The following SLC30A4 variants were observed in gnomAD, a reference collection of about 807,000 sequenced individuals.
SLC30A4 encodes the protein probable proton-coupled zinc antiporter SLC30A4.
Under a neutral mutation model 41.7 loss-of-function variants are expected in SLC30A4, and 20 were observed. The observed-to-expected ratio is 0.48, with a 90% confidence interval of 0.34 to 0.70. SLC30A4 has a LOEUF of 0.70. SLC30A4 is among the 30% of genes least tolerant of loss of function. The probability of loss-of-function intolerance (pLI) is 0.01; values close to 1 mark genes in which losing one functional copy is unlikely to be tolerated. For missense variants in SLC30A4, 441 were observed against 529.3 expected (o/e 0.83, Z 1.64); for synonymous variants, 181 against 195.9 (o/e 0.92, Z 0.64).
At chr15:45,518,868 A>T (rs977444798) in intron 2 of SLC30A4, among the ~76,000 whole-genome samples, 1 of 151,992 alleles carries the variant, frequency 6.6e-6, no homozygotes, top group Non-Finnish European at 1.5e-5. Flanking sequence ...AAATTGCTTC[A>T]TTTTTTATTA....
Position 45,490,787 on chromosome 15 carries a change from A to G in SLC30A4, c.633T>C (p.Tyr211=), listed in dbSNP as rs1354370386. The change falls in exon 4 of 8, where the codon TAT becomes TAC. Residue 211 remains tyrosine, a synonymous_variant. Coordinates refer to ENST00000261867, the MANE Select transcript of SLC30A4 (RefSeq NM_013309.6). ...TGAGCATTATATCTCCATTTATTTC[A>G]TAGTTCATATGGATAGTTCTTTGCA... ...EAVQRTIHMN[Y]EINGDIMLIT... is the part of the protein sequence containing the mutation. 1.2e-6 allele frequency: 2 copies of G among 1,611,920 alleles called. No homozygotes were observed. The highest frequency in any genetic ancestry group is 1.7e-6 in the Non-Finnish European group (2 of 1,178,538).
rs1466127676 is a variant in SLC30A4, at chr15:45,481,631, T to C, written c.*3532A>G. 2 of 152,188 alleles carry C rather than the reference T, an allele frequency of 1.3e-5. No homozygotes were observed. 9.4% of individuals were successfully genotyped at this position (152,188 alleles called of 1,614,324 possible). ...GTTCATCCAACTCAGCCACTGCTTT[T>C]CACAGGGCATAGAGCTCTTTGAGAG... On this transcript the variant is annotated 3_prime_UTR_variant, in exon 8 of 8. Coordinates refer to ENST00000261867, the MANE Select transcript of SLC30A4 (RefSeq NM_013309.6).
In SLC30A4 at chr15:45,484,514, A is replaced by C. The variant is rs1451163356; in HGVS notation, c.*649T>G. On this transcript the variant is annotated 3_prime_UTR_variant, in exon 8 of 8. Coordinates refer to ENST00000261867, the MANE Select transcript of SLC30A4 (RefSeq NM_013309.6). The stretch of plus-strand genomic sequence containing the variant: ...AATAAAGATTTGGTTCTAAGATTAC[A>C]AATAATGAAAAATGTTAACTTTGAG... The C allele has an allele frequency of 6.6e-6, 1 of 152,246 alleles. No homozygotes were observed. The highest frequency in any genetic ancestry group is 2.4e-5 in the African/African-American group (1 of 41,476). 9.4% of individuals were successfully genotyped at this position (152,246 alleles called of 1,614,324 possible). A position where few individuals can be genotyped will look rare whatever the true frequency, so the allele number is the denominator to read the frequency against.
intron 7 of SLC30A4, among the ~76,000 whole-genome samples, 178 bp from the exon 8 acceptor site, chr15:45,485,495 T>C (rs1891681249): frequency 6.6e-6 from 1 of 152,218 alleles, no homozygotes; most frequent in African/African-American, 2.4e-5. Context: ...TGGCTTCTCA[T>C]TATTCTAACC....
At chr15:45,498,870 C>T (rs145109135) in intron 3 of SLC30A4, among the ~76,000 whole-genome samples, 129 of 152,118 alleles carry the variant, frequency 8.5e-4, no homozygotes, top group African/African-American at 2.6e-3. Flanking sequence ...TGTGTGTTTG[C>T]GGGAAGACTT....
In SLC30A4 at chr15:45,488,914, G is replaced by A; in HGVS notation, c.821C>T (p.Ala274Val). Residue 274 changes from alanine to valine, a missense_variant, in exon 5 of 8, where the codon GCA becomes GTA. Coordinates refer to ENST00000261867, the MANE Select transcript of SLC30A4 (RefSeq NM_013309.6). ...HGQDSLAVRA[A>V]FVHALGDLVQ... ...CAAATCTCCCAAAGCATGTACAAAT[G>A]CAGCTCTCACTGCCAGGCTATCCTG... 6.2e-7 allele frequency: 1 copy of A among 1,614,108 alleles called. No homozygotes were observed. The highest frequency in any genetic ancestry group is 8.5e-7 in the Non-Finnish European group (1 of 1,179,992).
At chr15:45,519,453 C>T (rs1892599161) in intron 2 of SLC30A4, 1 of 152,080 alleles carries the variant, frequency 6.6e-6, no homozygotes, top group Non-Finnish European at 1.5e-5. Context: ...GGCCAGTCTG[C>T]TTTCCTCCTA....
intron 2 of SLC30A4, among the ~76,000 whole-genome samples, chr15:45,516,892 G>A (rs1487118395): frequency 6.6e-6 from 1 of 152,020 alleles, no homozygotes; most frequent in African/African-American, 2.4e-5. Context: ...ACTCCAGCCT[G>A]GGTGACAGAG....
Position 45,522,676 on chromosome 15 carries a change from T to C in SLC30A4, c.-184A>G, listed in dbSNP as rs1892714524. On this transcript the variant is annotated 5_prime_UTR_variant, in exon 1 of 8. Coordinates refer to ENST00000261867, the MANE Select transcript of SLC30A4 (RefSeq NM_013309.6). Reference sequence around the variant, plus strand: ...CCGGCTCAGCGAGGCGGGCTCGCGCTGCTCCACCCGCGGCCGCAGGAGAGT... The same window carrying C: ...CCGGCTCAGCGAGGCGGGCTCGCGCCGCTCCACCCGCGGCCGCAGGAGAGT... 4.8e-6 allele frequency: 1 copy of C among 208,738 alleles called. No individual in the cohort carries two copies. Among genetic ancestry groups the C allele is most frequent in the Non-Finnish European group, 9.4e-6 (1 of 106,740 alleles). 12.9% of individuals were successfully genotyped at this position (208,738 alleles called of 1,614,324 possible). A position where few individuals can be genotyped will look rare whatever the true frequency, so the allele number is the denominator to read the frequency against.
chr15:45,492,340 AG>A (rs1324759529), intron 3 of SLC30A4, among the ~76,000 whole-genome samples: 1 of 152,156 alleles, frequency 6.6e-6, no homozygotes, highest in Non-Finnish European at 1.5e-5. Flanking sequence ...AAGGAAAAGA[AG>A]AAAAAAAATC....
chr15:45,490,092 T>TTTTG (rs201412172), intron 4 of SLC30A4, among the ~76,000 whole-genome samples: 2 of 152,160 alleles, frequency 1.3e-5, no homozygotes, highest in Non-Finnish European at 1.5e-5. Context: ...CTTTATTATT[T>TTTTG]TTTGTTTGTT....
chr15:45,504,578 A>C (rs1892110023), intron 3 of SLC30A4, among the ~76,000 whole-genome samples: 1 of 152,228 alleles, frequency 6.6e-6, no homozygotes, highest in African/African-American at 2.4e-5. Flanking sequence ...GATATTCTGC[A>C]GTTTACAGTG....
At chr15:45,494,198 G>C (rs1315596266) in intron 3 of SLC30A4, among the ~76,000 whole-genome samples, 5 of 152,004 alleles carry the variant, frequency 3.3e-5, no homozygotes, top group Non-Finnish European at 7.4e-5. Context: ...TTAGTCAAGG[G>C]TTAAGCAAGG....
At chr15:45,485,377 C>A in intron 7 of SLC30A4, 60 bp from the exon 8 acceptor site, 5 of 1,227,846 alleles carry the variant, frequency 4.1e-6, no homozygotes, top group Admixed American at 4.7e-5. Context: ...GAATAAGATA[C>A]AGGGAAAAAA....
intron 3 of SLC30A4, chr15:45,502,139 T>G (rs1473834612): frequency 1.3e-5 from 2 of 151,332 alleles, no homozygotes; most frequent in Non-Finnish European, 2.9e-5. Flanking sequence ...CTCACTCTTG[T>G]TGCCCAGGCT....
rs149411346 is a variant in SLC30A4, at chr15:45,522,120, G to T, written c.235C>A (p.Gln79Lys). 108 of 1,614,098 alleles carry T rather than the reference G, an allele frequency of 6.7e-5. No homozygotes were observed. The highest frequency in any genetic ancestry group is 8.1e-5 in the Non-Finnish European group (95 of 1,180,040). Residue 79 changes from glutamine to lysine, a missense_variant, in exon 2 of 8, where the codon CAA becomes AAA. Transcript: ENST00000261867. ...TGACTGTTGGTCAAAGGTAAGTCTT[G>T]GTCCAGTAAGGAATCATCGTCGGCC... ...LQADDDSLLDQDLPLTNSQLS... is the reference protein window; with the variant it reads ...LQADDDSLLDKDLPLTNSQLS...
intron 5 of SLC30A4, among the ~76,000 whole-genome samples, chr15:45,487,956 A>G (rs1465744221): frequency 6.7e-4 from 32 of 47,864 alleles, no homozygotes; most frequent in South Asian, 1.7e-3. Context: ...CAAAGCTGGA[A>G]AAAAGTGTGT....
At chr15:45,491,784 G>A (rs1416267436) in intron 3 of SLC30A4, among the ~76,000 whole-genome samples, 3 of 151,794 alleles carry the variant, frequency 2.0e-5, no homozygotes, top group African/African-American at 7.3e-5. Context: ...TGGGAGAATT[G>A]TTTAAACCCA....
Position 45,521,947 on chromosome 15 carries a change from T to C in SLC30A4, c.391+17A>G, listed in dbSNP as rs564572090. 3.6e-5 allele frequency: 58 copies of C among 1,602,732 alleles called. No homozygotes were observed. In the South Asian group the frequency reaches 6.0e-4, roughly 17 times the overall value. Reference sequence around the variant, plus strand: ...CGAGGAAAGGTAAACGGAAAGTGAGTTGGCAACACAACTCACCTACAAGTT... The same window carrying C: ...CGAGGAAAGGTAAACGGAAAGTGAGCTGGCAACACAACTCACCTACAAGTT... On this transcript the variant is annotated intron_variant, in intron 2 of 7. Coordinates refer to ENST00000261867, the MANE Select transcript of SLC30A4 (RefSeq NM_013309.6).
Sources: allele counts gnomAD v4.1 joint callset (sites outside exome capture counted in the v4.1 genomes callset), GRCh38; gene constraint gnomAD v4.1.1; transcripts MANE v1.5; gene names NCBI Gene and HGNC (gene_info 2026-07-23, HGNC 2026-07-21).